ARAP2: variants seen among roughly 807,000 people sequenced by gnomAD.
ARAP2 encodes arf-GAP with Rho-GAP domain, ANK repeat and PH domain-containing protein 2.
A neutral mutation model predicts 194.5 loss-of-function variants in ARAP2; 148 were observed. That is an observed-to-expected ratio of 0.76 (90% CI 0.67 to 0.87). ARAP2 has a LOEUF of 0.87. Ranked by LOEUF, ARAP2 falls within the 40% of genes least tolerant of loss-of-function variation. The pLI, the probability that ARAP2 is intolerant of heterozygous loss-of-function variation, is 0.00. For synonymous variants in ARAP2, 695 were observed against 683.5 expected (o/e 1.02, Z -0.26); for missense variants, 2,128 against 1,989.7 (o/e 1.07, Z -1.32).
chr4:36,121,967 A>T (rs1404456922), intron 22 of ARAP2, among the ~76,000 whole-genome samples: 1 of 151,774 alleles, frequency 6.6e-6, no homozygotes, highest in Non-Finnish European at 1.5e-5. Context: ...CAACTCTTTC[A>T]ATCAGTAGGC....
At chr4:36,020,705 G>A (rs1326987925) in intron 5 of ARAP2, among the ~76,000 whole-genome samples, 1 of 152,202 alleles carries the variant, frequency 6.6e-6, no homozygotes, top group Non-Finnish European at 1.5e-5. Flanking sequence ...GTGAAACAGT[G>A]GATAAGTCGA....
intron 19 of ARAP2, among the ~76,000 whole-genome samples, chr4:36,134,928 T>C (rs530412892): frequency 6.6e-6 from 1 of 151,766 alleles, no homozygotes; most frequent in South Asian, 2.1e-4. Context: ...GGCTTTGTCC[T>C]GCATCATATC....
intron 28 of ARAP2, among the ~76,000 whole-genome samples, chr4:36,083,737 T>C (rs1254567283): frequency 6.6e-6 from 1 of 152,098 alleles, no homozygotes; most frequent in Non-Finnish European, 1.5e-5. Flanking sequence ...TCAAAAACAC[T>C]TGAGGTCAGA....
intron 15 of ARAP2, among the ~76,000 whole-genome samples, chr4:36,155,535 C>A (rs1732053290): frequency 6.6e-6 from 1 of 151,998 alleles, no homozygotes; most frequent in Non-Finnish European, 1.5e-5. Context: ...AAGGAGGAAA[C>A]CAGTGCAGCC....
At chr4:36,092,471 T>C (rs1209292991) in intron 27 of ARAP2, among the ~76,000 whole-genome samples, 1 of 152,016 alleles carries the variant, frequency 6.6e-6, no homozygotes, top group Non-Finnish European at 1.5e-5. Flanking sequence ...CAGCCAGGTG[T>C]GGTGGCACAT....
At chr4:36,020,792 G>C (rs1051871756) in intron 5 of ARAP2, among the ~76,000 whole-genome samples, 1 of 152,178 alleles carries the variant, frequency 6.6e-6, no homozygotes, top group Non-Finnish European at 1.5e-5. Flanking sequence ...TGCCTGGATG[G>C]AGATGATATC....
At position 36,073,781 on chromosome 4, in the gene ARAP2, G is replaced by A. The variant is rs775209671; in HGVS notation, c.4651C>T (p.Arg1551Cys). Residue 1551 changes from arginine to cysteine, a missense_variant, in exon 32 of 33, where the codon CGT (arginine) becomes TGT (cysteine). By Grantham distance (180) the Arg-to-Cys change is radical (BLOSUM62 -3). Transcript: ENST00000303965. ...ATTTTGGGATTTTTGGTTATTGAAC[G>A]TTTTCGTTCCTTTCCAGCTGGTGGC... ...IWPPAGKERK[R>C]SITKNPKIGG... 16 of 1,612,958 alleles carry A rather than the reference G, an allele frequency of 9.9e-6. No individual in the cohort carries two copies. Among genetic ancestry groups the A allele is most frequent in the South Asian group, 4.4e-5 (4 of 91,046 alleles).
chr4:36,076,758 G>C (rs1173504898), intron 31 of ARAP2, among the ~76,000 whole-genome samples: 1 of 151,986 alleles, frequency 6.6e-6, no homozygotes, highest in Non-Finnish European at 1.5e-5. Flanking sequence ...ACCTGTGCCT[G>C]AGTTTTTGAT....
At chr4:36,114,130 T>C in intron 26 of ARAP2, 40 bp downstream of exon 26, 3 of 1,315,420 alleles carry the variant, frequency 2.3e-6, no homozygotes, top group Non-Finnish European at 3.3e-6. Context: ...CTTTTTACAG[T>C]ATAAGTAATT....
chr4:36,012,360 T>C (rs987088860), intron 9 of ARAP2, among the ~76,000 whole-genome samples: 21 of 152,208 alleles, frequency 1.4e-4, no homozygotes, highest in African/African-American at 4.8e-4. Context: ...TCTTAAAGAC[T>C]CCAACCAGCC....
At chr4:36,118,844 C>T (rs1034939006) in intron 24 of ARAP2, among the ~76,000 whole-genome samples, 13 of 151,332 alleles carry the variant, frequency 8.6e-5, no homozygotes, top group Admixed American at 4.6e-4. Flanking sequence ...TGATCTAGGC[C>T]TTCCTCTATT....
chr4:36,085,262 CTTAAAT>C (rs747965403), intron 28 of ARAP2, among the ~76,000 whole-genome samples: 2 of 151,958 alleles, frequency 1.3e-5, no homozygotes, highest in African/African-American at 2.4e-5. Flanking sequence ...TTAACGTTTG[CTTAAAT>C]TTAAAGTGTT....
chr4:36,098,012 C>A (rs1455740472), intron 27 of ARAP2, among the ~76,000 whole-genome samples: 1 of 151,812 alleles, frequency 6.6e-6, no homozygotes, highest in Non-Finnish European at 1.5e-5. Flanking sequence ...GCAGAACAGA[C>A]ATATCATGTA....
At chr4:36,129,500 T>C (rs552673191) in intron 20 of ARAP2, among the ~76,000 whole-genome samples, 83 of 152,048 alleles carry the variant, frequency 5.5e-4, no homozygotes, top group African/African-American at 2.0e-3. Flanking sequence ...TTCTAGATGC[T>C]TTTCGGTTTT....
At chr4:36,011,611 G>C (rs1714573070) in intron 9 of ARAP2, among the ~76,000 whole-genome samples, 1 of 152,098 alleles carries the variant, frequency 6.6e-6, no homozygotes, top group Non-Finnish European at 1.5e-5. Context: ...CTTCTGGCAG[G>C]AAGGGAATGC....
Position 36,048,200 on chromosome 4 carries a change from G to A in ARAP2, n.370-1351C>T, listed in dbSNP as rs575235804. 5.9e-5 allele frequency among the ~76,000 whole-genome samples: 9 copies of A among 152,030 alleles called. No homozygotes were observed. The East Asian group carries it at 7.7e-4, about 13-fold the overall frequency. On this transcript the variant is annotated intron_variant and non_coding_transcript_variant, in intron 3 of 12. Coordinates refer to the ARAP2 transcript ENST00000503225. ...ACTATAAATGCACAGGTTTATTTCCGAACTCTTTATTATTTTTATTCTTCT... is the reference window on the plus strand; with the variant it reads ...ACTATAAATGCACAGGTTTATTTCCAAACTCTTTATTATTTTTATTCTTCT...
chr4:36,021,058 G>A (rs557884994), intron 5 of ARAP2, among the ~76,000 whole-genome samples: 1 of 152,310 alleles, frequency 6.6e-6, no homozygotes, highest in South Asian at 2.1e-4. Flanking sequence ...AAGAAGGAAA[G>A]ATGATACGTA....
chr4:36,118,962 A>T (rs888062690), intron 24 of ARAP2, among the ~76,000 whole-genome samples: 1 of 151,440 alleles, frequency 6.6e-6, no homozygotes, highest in African/African-American at 2.4e-5. Flanking sequence ...CTCATTATGT[A>T]TCTGTAAACA....
At chr4:36,223,353 C>T (rs192127104) in intron 2 of ARAP2, among the ~76,000 whole-genome samples, 349 of 152,038 alleles carry the variant, frequency 2.3e-3, no homozygotes, top group African/African-American at 3.2e-3. Context: ...TTCCCTATGT[C>T]GATTTTATTA....
Sources: gnomAD v4.1 joint callset for allele counts (sites outside exome capture counted in the v4.1 genomes callset) on GRCh38, gnomAD v4.1.1 for gene constraint, MANE v1.5 for transcripts, NCBI Gene and HGNC (gene_info 2026-07-23, HGNC 2026-07-21) for gene names.